The following GYS2 variants were observed in gnomAD, a reference collection of about 807,000 sequenced individuals.
GYS2 encodes the protein glycogen [starch] synthase, liver.
Under a neutral mutation model 85.6 loss-of-function variants are expected in GYS2, and 80 were observed. The observed-to-expected ratio is 0.93, with a 90% CI of 0.78 to 1.13. The LOEUF (loss-of-function observed/expected upper bound fraction) is 1.13. Ranked by LOEUF, GYS2 falls within the 50% of genes most tolerant of loss-of-function variation. GYS2 has a pLI of 0.00. For missense variants in GYS2, 881 were observed against 854.9 expected (o/e 1.03, Z -0.38); for synonymous variants, 328 against 300.7 (o/e 1.09, Z -0.94).
chr12:21,574,719 A>G (rs1221393609), intron 3 of GYS2, among the ~76,000 whole-genome samples: 1 of 152,114 alleles, frequency 6.6e-6, no homozygotes, highest in Middle Eastern at 3.2e-3. Flanking sequence ...CCACTTACTT[A>G]TAAGCTTATT....
chr12:21,559,630 G>A, intron 9 of GYS2, 21 bp downstream of exon 9: 1 of 1,306,534 alleles, frequency 7.7e-7, no homozygotes, highest in Middle Eastern at 1.8e-4. Flanking sequence ...GATTGAAGTA[G>A]AAAGCATTTC....
rs896666097 is a variant in GYS2, at chr12:21,536,310, G to A, written c.*644C>T. 6.6e-6 allele frequency: 1 copy of A among 152,330 alleles called. No homozygotes were observed. The highest frequency in any genetic ancestry group is 2.4e-5 in the African/African-American group (1 of 41,450). The allele number at this position is 152,330 out of a possible 1,614,324, so 9.4% of individuals were successfully genotyped here. On this transcript the variant is annotated 3_prime_UTR_variant, in exon 16 of 16. Coordinates refer to ENST00000261195, the MANE Select transcript of GYS2 (RefSeq NM_021957.4). ...AATAGAAAAATGTTACAGTAAGATGGTGGTACCATGTACATGGTAATATCT... is the reference window on the plus strand; with the variant it reads ...AATAGAAAAATGTTACAGTAAGATGATGGTACCATGTACATGGTAATATCT...
intron 5 of GYS2, among the ~76,000 whole-genome samples, chr12:21,565,211 A>T (rs183525387): frequency 2.6e-5 from 4 of 151,876 alleles, no homozygotes; most frequent in African/African-American, 9.7e-5. Flanking sequence ...TGCTGGTAAA[A>T]TTTAACAAAG....
chr12:21,601,735 C>T (rs1451709546), intron 1 of GYS2, among the ~76,000 whole-genome samples: 1 of 152,068 alleles, frequency 6.6e-6, no homozygotes, highest in Non-Finnish European at 1.5e-5. Context: ...CAATGTCTAC[C>T]TTCTACAAAT....
intron 1 of GYS2, among the ~76,000 whole-genome samples, chr12:21,594,573 A>G (rs1944675225): frequency 6.6e-6 from 1 of 152,216 alleles, no homozygotes; most frequent in African/African-American, 2.4e-5. Context: ...GAAAACTACA[A>G]AACACTGATA....
chr12:21,593,068 A>C (rs1282027832), intron 1 of GYS2, among the ~76,000 whole-genome samples: 1 of 152,044 alleles, frequency 6.6e-6, no homozygotes, highest in Non-Finnish European at 1.5e-5. Flanking sequence ...GGAAATCAAA[A>C]ATTTTTTGAA....
intron 1 of GYS2, among the ~76,000 whole-genome samples, chr12:21,598,775 A>G (rs1944722854): frequency 6.6e-6 from 1 of 152,146 alleles, no homozygotes; most frequent in African/African-American, 2.4e-5. Context: ...TGATCGTTTT[A>G]CCACAGCGTA....
In GYS2 at chr12:21,559,670, G is replaced by GT. The variant is rs777954647; in HGVS notation, c.1209dup (p.Leu404ThrfsTer3). The GT allele has an allele frequency of 5.0e-6, 8 of 1,585,592 alleles. No individual in the cohort carries two copies. The highest frequency in any genetic ancestry group is 6.9e-6 in the Non-Finnish European group (8 of 1,154,256). On this transcript the variant is annotated frameshift_variant, in exon 9 of 16. Transcript: ENST00000261195. LOFTEE classifies it high-confidence loss of function. ...ACCTACCTTAATAATGCATCATAGA[G>GT]TTTTTTTCCAAACTTTTCCTTCACA... is the stretch of plus-strand genomic sequence containing the variant.
chr12:21,555,339 A>G (rs2136867285), intron 11 of GYS2, among the ~76,000 whole-genome samples: 1 of 152,236 alleles, frequency 6.6e-6, no homozygotes, highest in Middle Eastern at 3.4e-3. Context: ...GTCCCTTAGT[A>G]TTATTTTCAC....
At chr12:21,539,232 C>CA (rs36023861) in intron 15 of GYS2, 26 bp downstream of exon 15, 76 of 1,274,142 alleles carry the variant, frequency 6.0e-5, no homozygotes, top group Middle Eastern at 2.1e-4. Context: ...ATATAGCTTT[C>CA]AAAAAAAAAT....
chr12:21,567,093 A>G (rs1200351425), intron 5 of GYS2, among the ~76,000 whole-genome samples: 1 of 152,188 alleles, frequency 6.6e-6, no homozygotes, highest in Non-Finnish European at 1.5e-5. Flanking sequence ...AAAGAAAAAT[A>G]AAAAACATTA....
Position 21,563,270 on chromosome 12 carries a change from T to C in GYS2, c.899A>G (p.Tyr300Cys). Residue 300 changes from tyrosine (Y) to cysteine (C), a missense_variant, in exon 6 of 16, where the codon TAC (tyrosine) becomes TGC (cysteine). Transcript: ENST00000261195. ...VHEFQNLHAM[Y>C]KARIQDFVRG... ...AACAAAATCTTGGATTCTGGCCTTG[T>C]ACATGGCATGTAGATTTTGAAACTC... 1 of 1,612,398 alleles carries C rather than the reference T, an allele frequency of 6.2e-7. No individual in the cohort carries two copies. The highest frequency in any genetic ancestry group is 8.5e-7 in the Non-Finnish European group (1 of 1,178,470).
At chr12:21,588,310 T>A (rs1944596299) in intron 1 of GYS2, among the ~76,000 whole-genome samples, 1 of 152,262 alleles carries the variant, frequency 6.6e-6, no homozygotes, top group Non-Finnish European at 1.5e-5. Flanking sequence ...ATAGTAAATC[T>A]TATCAATAGT....
chr12:21,598,945 A>G (rs761978923), intron 1 of GYS2, among the ~76,000 whole-genome samples: 1 of 152,080 alleles, frequency 6.6e-6, no homozygotes, highest in Non-Finnish European at 1.5e-5. Flanking sequence ...TACATATAAC[A>G]ATGAGGTGGT....
chr12:21,542,581 A>C lies in GYS2; in HGVS notation c.1560T>G (p.Thr520=), dbSNP rs140529413. 1 of 1,611,768 alleles carries C rather than the reference A, an allele frequency of 6.2e-7. No individual in the cohort carries two copies. The highest frequency in any genetic ancestry group is 1.3e-5 in the African/African-American group (1 of 74,796). The change falls in exon 13 of 16, where the codon ACT becomes ACG. Residue 520 remains threonine (T), a synonymous_variant. Transcript: ENST00000261195. ...TGGTCACACTGGGGATACCCATCAC[A>C]GTGCATTCAGCTGCCAGGGGAAATA... ...EPWGYTPAEC[T]VMGIPSVTTN...
chr12:21,562,275 G>A (rs996385086), intron 7 of GYS2, among the ~76,000 whole-genome samples: 4 of 152,138 alleles, frequency 2.6e-5, no homozygotes, highest in African/African-American at 7.2e-5. Context: ...TCGCAGGGAG[G>A]TGGTGTGGCT....
chr12:21,600,942 G>T (rs568165812), intron 1 of GYS2, among the ~76,000 whole-genome samples: 2 of 152,166 alleles, frequency 1.3e-5, no homozygotes, highest in African/African-American at 4.8e-5. Flanking sequence ...CCAGCAATAC[G>T]TTGGCTTAGG....
In GYS2 at chr12:21,539,278, C is replaced by T; in HGVS notation, c.1870G>A (p.Glu624Lys). 6.3e-7 allele frequency: 1 copy of T among 1,594,652 alleles called. No individual in the cohort carries two copies. Among genetic ancestry groups the T allele is most frequent in the South Asian group, 1.1e-5 (1 of 90,658 alleles). Reference sequence around the variant, plus strand: ...TTTACCGTTGGTGGTGATGTTAGTTCCACATGGAATTTATCTGGAAAAGCT... The same window carrying T: ...TTTACCGTTGGTGGTGATGTTAGTTTCACATGGAATTTATCTGGAAAAGCT... ...SRAFPDKFHVELTSPPTTEGF... is the reference protein window; with the variant it reads ...SRAFPDKFHVKLTSPPTTEGF... Residue 624 changes from glutamate to lysine, a missense_variant, in exon 15 of 16, where the codon GAA becomes AAA. Coordinates refer to ENST00000261195, the MANE Select transcript of GYS2 (RefSeq NM_021957.4).
At chr12:21,559,551 TG>T (rs1944225787) in intron 9 of GYS2, 99 bp downstream of exon 9, 1 of 761,150 alleles carries the variant, frequency 1.3e-6, no homozygotes, top group African/African-American at 1.7e-5. Flanking sequence ...ATTAATTCCT[TG>T]ATATTTGGAA....
Sources: gnomAD v4.1 joint callset for allele counts (sites outside exome capture counted in the v4.1 genomes callset) on GRCh38, gnomAD v4.1.1 for gene constraint, MANE v1.5 for transcripts, NCBI Gene and HGNC (gene_info 2026-07-23, HGNC 2026-07-21) for gene names.